The following SRSF7 variants were observed in gnomAD, a reference collection of about 807,000 sequenced individuals.
SRSF7 encodes serine and arginine rich splicing factor 7.
SRSF7 carries 15 observed loss-of-function variants against 42.2 expected under a neutral mutation model. The observed-to-expected ratio is 0.36, with a 90% CI of 0.24 to 0.55. The LOEUF is 0.55. SRSF7 is among the 20% of genes least tolerant of loss of function. The pLI, the probability that SRSF7 is intolerant of heterozygous loss-of-function variation, is 0.88. For missense variants in SRSF7, 181 were observed against 305.9 expected, an observed-to-expected ratio of 0.59 and a Z score of 3.04; for synonymous variants, 138 against 107.9, an observed-to-expected ratio of 1.28 and a Z score of -1.73.
In SRSF7 at chr2:38,751,238, A is replaced by G; in HGVS notation, c.19T>C (p.Tyr7His). MSRYGRYGGETKVYVGN... is the reference protein window; with the variant it reads MSRYGRHGGETKVYVGN... The stretch of plus-strand genomic sequence containing the variant: ...GACTCCAGCTTCTTACCTCCTCCGT[A>G]CCGCCCGTAACGCGACATGATGACA... The change falls in exon 1 of 8, where the codon TAC (tyrosine) becomes CAC (histidine). Residue 7 changes from tyrosine (Y) to histidine (H), a missense_variant. By Grantham distance (83) the Tyr-to-His change is moderately conservative. Transcript: ENST00000313117. The G allele has an allele frequency of 6.2e-7, 1 of 1,613,962 alleles. No individual in the cohort carries two copies.
chr2:38,746,113 G>C (rs778837878), intron 7 of SRSF7, 31 bp downstream of exon 7: 1 of 1,613,652 alleles, frequency 6.2e-7, no homozygotes, highest in Non-Finnish European at 8.5e-7. Flanking sequence ...CACTTGACAG[G>C]CAAGATTTGG....
intron 5 of SRSF7, 44 bp from the exon 6 acceptor site, chr2:38,746,791 A>C (rs770230741): frequency 1.2e-6 from 2 of 1,608,604 alleles, no homozygotes; most frequent in South Asian, 2.2e-5. Context: ...AATCAGTCCA[A>C]AGGAATTTCC....
At position 38,748,516 on chromosome 2, in the gene SRSF7, T is replaced by A; in HGVS notation, c.461+63A>T. On this transcript the variant is annotated intron_variant, in intron 4 of 7. Coordinates refer to ENST00000313117, the MANE Select transcript of SRSF7 (RefSeq NM_001031684.3). Reference sequence around the variant, plus strand: ...TCCAAAAAAAATAATGAGCTTTTTCTGTGTTGGACTACCAGTGAATTTAAT... The same window carrying A: ...TCCAAAAAAAATAATGAGCTTTTTCAGTGTTGGACTACCAGTGAATTTAAT... 8 of 1,532,902 alleles carry A rather than the reference T, an allele frequency of 5.2e-6. No individual in the cohort carries two copies. The South Asian group carries it at 8.9e-5, about 17-fold the overall frequency. 95.0% of individuals were successfully genotyped at this position (1,532,902 alleles called of 1,614,324 possible).
At chr2:38,746,215 T>A (rs1472425999) in intron 6 of SRSF7, 36 bp from the exon 7 acceptor site, 1 of 1,609,988 alleles carries the variant, frequency 6.2e-7, no homozygotes, top group South Asian at 1.1e-5. Flanking sequence ...AAAGAAAGAG[T>A]ACTAACCAAT....
chr2:38,747,249 G>C (rs146104747), intron 5 of SRSF7: 4 of 323,650 alleles, frequency 1.2e-5, no homozygotes, highest in East Asian at 7.8e-5. Flanking sequence ...AGTTATGTTT[G>C]AGAGCCATCA....
chr2:38,749,378 A>G, intron 3 of SRSF7, 151 bp downstream of exon 3: 2 of 1,540,984 alleles, frequency 1.3e-6, no homozygotes, highest in Non-Finnish European at 1.7e-6. Flanking sequence ...GATTATTAAT[A>G]TAGTAACATT....
chr2:38,746,108 G>GACAGGCAAGATTTGGCA, intron 7 of SRSF7, 36 bp downstream of exon 7: 1 of 1,613,028 alleles, frequency 6.2e-7, no homozygotes, highest in Non-Finnish European at 8.5e-7. Flanking sequence ...GGCCACACTT[G>GACAGGCAAGATTTGGCA]ACAGGCAAGA....
At chr2:38,751,021 A>C (rs2148498766) in intron 1 of SRSF7, 2 of 599,670 alleles carry the variant, frequency 3.3e-6, no homozygotes, top group African/African-American at 1.9e-5. Context: ...AAAAATGCCC[A>C]AGAGTACGGA....
At position 38,746,767 on chromosome 2, in the gene SRSF7, A is replaced by C. The variant is rs1558608816; in HGVS notation, c.573-20T>G. 1 of 1,613,362 alleles carries C rather than the reference A, an allele frequency of 6.2e-7. No homozygotes were observed. The highest frequency in any genetic ancestry group is 8.5e-7 in the Non-Finnish European group (1 of 1,179,894). On this transcript the variant is annotated intron_variant, in intron 5 of 7. Coordinates refer to ENST00000313117, the MANE Select transcript of SRSF7 (RefSeq NM_001031684.3). ...GGGGATCTTAATAAAAAAAGTGAAA[A>C]ACACAATTATATCAATCAGTCCAAA...
At chr2:38,750,959 A>T in intron 1 of SRSF7, 1 of 403,866 alleles carries the variant, frequency 2.5e-6, no homozygotes, top group Non-Finnish European at 4.6e-6. Flanking sequence ...GCTCCGAGAA[A>T]GGCAACGCGA....
At chr2:38,751,038 C>G in intron 1 of SRSF7, 191 bp downstream of exon 1, 1 of 669,020 alleles carries the variant, frequency 1.5e-6, no homozygotes, top group Non-Finnish European at 2.6e-6. Context: ...CGGAACTCGG[C>G]AGAGATGTAC....
intron 1 of SRSF7, chr2:38,750,749 A>C: frequency 6.2e-6 from 1 of 161,988 alleles, no homozygotes; most frequent in South Asian, 1.5e-4. Context: ...TCCGCAATTT[A>C]ACCGATTGTT....
rs771869380 is a variant in SRSF7 at position 38,751,208 on chromosome 2, CACCGG to C, written c.28+16_28+20del. The C allele has an allele frequency of 1.2e-6, 2 of 1,614,050 alleles. No individual in the cohort carries two copies. The highest frequency in any genetic ancestry group is 3.3e-5 in the Admixed American group (2 of 60,024). The stretch of plus-strand genomic sequence containing the variant: ...TCACTACACCCACACCAACGTCCCT[CACCGG>C]ACTCCAGCTTCTTACCTCCTCCGTA... On this transcript the variant is annotated intron_variant, in intron 1 of 7. Coordinates refer to ENST00000313117, the MANE Select transcript of SRSF7 (RefSeq NM_001031684.3).
intron 3 of SRSF7, chr2:38,749,255 G>A (rs915239368): frequency 1.5e-5 from 21 of 1,409,156 alleles, no homozygotes; most frequent in East Asian, 1.1e-4. Flanking sequence ...GGTCTAGGAG[G>A]ATCTTAATTG....
intron 3 of SRSF7, 103 bp from the exon 4 acceptor site, chr2:38,748,756 G>C: frequency 2.2e-6 from 3 of 1,334,352 alleles, no homozygotes; most frequent in Non-Finnish European, 3.2e-6. Context: ...TTTAAATTTA[G>C]TGTCTCATTT....
At position 38,749,985 on chromosome 2, in the gene SRSF7, G is replaced by C; in HGVS notation, c.209+29C>G. 1.9e-6 allele frequency: 3 copies of C among 1,582,852 alleles called. No individual in the cohort carries two copies. The South Asian group carries it at 3.5e-5, about 18-fold the overall frequency. ...TTATCTAGCCACAGTATATTTTAAT[G>C]AACAGAAGATTCATAACATCTTACT... On this transcript the variant is annotated intron_variant, in intron 2 of 7. Transcript: ENST00000313117.
At position 38,751,345 on chromosome 2, in the gene SRSF7, A is replaced by G; in HGVS notation, c.-89T>C. The G allele has an allele frequency of 6.3e-7, 1 of 1,588,766 alleles. No homozygotes were observed. The highest frequency in any genetic ancestry group is 8.6e-7 in the Non-Finnish European group (1 of 1,159,842). On this transcript the variant is annotated 5_prime_UTR_variant, in exon 1 of 8. Coordinates refer to ENST00000313117, the MANE Select transcript of SRSF7 (RefSeq NM_001031684.3). The stretch of plus-strand genomic sequence containing the variant: ...CTGACACACACCTTCACCCGCCAAG[A>G]GTCCCGGCGGCACTACGAGGAAGAG...
At position 38,745,184 on chromosome 2, in the gene SRSF7, A is replaced by G; in HGVS notation, c.666T>C (p.Arg222=). Residue 222 remains arginine (R), a synonymous_variant, in exon 8 of 8, where the codon CGT becomes CGC. Transcript: ENST00000313117. ...TTCTGCGAGGACTTCCTGATGGGGAACGACTAAAAAGAAAAACATTAGGTT... is the reference window on the plus strand; with the variant it reads ...TTCTGCGAGGACTTCCTGATGGGGAGCGACTAAAAAGAAAAACATTAGGTT... ...KSRSPSPKRS[R]SPSGSPRRSA... 4 of 1,614,062 alleles carry G rather than the reference A, an allele frequency of 2.5e-6. No individual in the cohort carries two copies. The highest frequency in any genetic ancestry group is 3.4e-6 in the Non-Finnish European group (4 of 1,180,004).
intron 6 of SRSF7, 52 bp downstream of exon 6, chr2:38,746,640 CTT>C (rs1558608617): frequency 1.9e-6 from 3 of 1,603,866 alleles, no homozygotes; most frequent in East Asian, 2.2e-5. Flanking sequence ...ACTTTGAACT[CTT>C]TGGATATTGG....
Sources: gnomAD v4.1 joint callset for allele counts on GRCh38, gnomAD v4.1.1 for gene constraint, MANE v1.5 for transcripts, NCBI Gene and HGNC (gene_info 2026-07-23, HGNC 2026-07-21) for gene names.